The following FBN1 variants were observed in gnomAD, a reference collection of about 807,000 sequenced individuals.
The protein encoded by FBN1 is fibrillin 1, also known as fibrillin-1.
FBN1 carries 29 observed loss-of-function variants against 365.1 expected under a neutral mutation model. The observed-to-expected ratio is 0.08, with a 90% CI of 0.06 to 0.11. The LOEUF (loss-of-function observed/expected upper bound fraction) is 0.11, where lower values mean the gene tolerates loss of function less well. FBN1 is among the 10% of genes least tolerant of loss of function. FBN1 has a pLI of 1.00. For synonymous variants in FBN1, 1,210 were observed against 1,270.5 expected, an observed-to-expected ratio of 0.95 and a Z score of 1.01; for missense variants, 2,476 against 3,703.2, an observed-to-expected ratio of 0.67 and a Z score of 8.60.
intron 2 of FBN1, among the ~76,000 whole-genome samples, chr15:48,623,770 A>G (rs1889815377): frequency 6.6e-6 from 1 of 152,202 alleles, no homozygotes. Context: ...TCACAGCACA[A>G]GCAGCACAAA....
At chr15:48,580,044 A>T (rs556483623) in intron 6 of FBN1, among the ~76,000 whole-genome samples, 1 of 152,264 alleles carries the variant, frequency 6.6e-6, no homozygotes, top group South Asian at 2.1e-4. Context: ...TACTGAAGTT[A>T]AAAAAAGCTT....
rs1018681619 is a variant in FBN1 at position 48,579,309 on chromosome 15, T to C, written c.538+16974A>G. 6.6e-5 allele frequency among the ~76,000 whole-genome samples: 10 copies of C among 152,332 alleles called. No individual in the cohort carries two copies. In the East Asian group the frequency reaches 1.5e-3, roughly 23 times the overall value. On this transcript the variant is annotated intron_variant, in intron 6 of 65. Transcript: ENST00000316623. ...AAAAAATAAATTCTTAAAAATTCCA[T>C]ATCAGCTGAATTTAGGAACAATTCT...
intron 6 of FBN1, among the ~76,000 whole-genome samples, chr15:48,580,553 G>C (rs2044383769): frequency 6.6e-6 from 1 of 152,124 alleles, no homozygotes; most frequent in Non-Finnish European, 1.5e-5. Context: ...ACAGTCAAAA[G>C]ACCGGGTTGT....
At chr15:48,575,429 T>C (rs1663967039) in intron 6 of FBN1, among the ~76,000 whole-genome samples, 1 of 152,184 alleles carries the variant, frequency 6.6e-6, no homozygotes, top group Non-Finnish European at 1.5e-5. Flanking sequence ...CTCTGGCTTT[T>C]ACTGTACCCA....
intron 2 of FBN1, among the ~76,000 whole-genome samples, chr15:48,633,761 A>G (rs1031212614): frequency 1.2e-4 from 18 of 152,220 alleles, no homozygotes; most frequent in Admixed American, 6.5e-4. Context: ...GGTTATTTCA[A>G]GTATAGCAGA....
intron 43 of FBN1, among the ~76,000 whole-genome samples, 163 bp from the exon 44 acceptor site, chr15:48,456,925 A>G (rs2043245442): frequency 6.6e-6 from 1 of 151,870 alleles, no homozygotes; most frequent in Admixed American, 6.6e-5. Context: ...ACGAATAGCA[A>G]ATTGAGATAA....
chr15:48,599,778 G>A (rs2044547757), intron 5 of FBN1, among the ~76,000 whole-genome samples: 1 of 152,156 alleles, frequency 6.6e-6, no homozygotes, highest in Non-Finnish European at 1.5e-5. Context: ...CTTTATTTGA[G>A]ATGCTTCCTG....
At chr15:48,419,270 A>G (rs2042922918) in intron 63 of FBN1, among the ~76,000 whole-genome samples, 1 of 152,212 alleles carries the variant, frequency 6.6e-6, no homozygotes, top group Non-Finnish European at 1.5e-5. Flanking sequence ...CAGAATCTCC[A>G]GGACACTAGT....
At chr15:48,561,057 C>A (rs2044219002) in intron 6 of FBN1, among the ~76,000 whole-genome samples, 1 of 152,116 alleles carries the variant, frequency 6.6e-6, no homozygotes, top group South Asian at 2.1e-4. Context: ...AAAACAAAGT[C>A]TCAAGAGGGT....
rs374091069 is a variant in FBN1 at position 48,424,544 on chromosome 15, A to G, written c.7453+825T>C. Among the ~76,000 whole-genome samples, 27 of 151,758 alleles carry G rather than the reference A, an allele frequency of 1.8e-4. No homozygotes were observed. In the South Asian group the frequency reaches 5.6e-3, roughly 32 times the overall value. ...AGTGGAAGAACTTAAGCTTTATGAG[A>G]AAAAATAGGAAAAAGACTCCACTCT... On this transcript the variant is annotated intron_variant, in intron 60 of 65. Transcript: ENST00000316623.
chr15:48,463,254 A>G lies in FBN1; in HGVS notation c.5066-14T>C. On this transcript the variant is annotated splice_polypyrimidine_tract_variant and intron_variant, in intron 41 of 65. Coordinates refer to ENST00000316623, the MANE Select transcript of FBN1 (RefSeq NM_000138.5). ...TTCTTCTCATATCTAGAAGGGAGGT[A>G]AAAAAAAGGATTGGAGGGTTGGTGA... 1.3e-6 allele frequency: 2 copies of G among 1,599,220 alleles called. No individual in the cohort carries two copies. Among genetic ancestry groups the G allele is most frequent in the Non-Finnish European group, 1.7e-6 (2 of 1,172,020 alleles).
intron 53 of FBN1, among the ~76,000 whole-genome samples, chr15:48,435,769 T>TGTAC (rs2043065550): frequency 4.4e-5 from 1 of 22,664 alleles, no homozygotes; most frequent in African/African-American, 1.0e-4. Flanking sequence ...TATATATGTG[T>TGTAC]ATATGTGTGT....
intron 2 of FBN1, among the ~76,000 whole-genome samples, chr15:48,620,516 A>G (rs1372390461): frequency 6.6e-5 from 10 of 152,180 alleles, no homozygotes; most frequent in Non-Finnish European, 1.5e-4. Context: ...TAAACTGGGG[A>G]GCCAAAATTC....
At chr15:48,643,345 G>T (rs1890233327) in intron 2 of FBN1, 1 of 152,144 alleles carries the variant, frequency 6.6e-6, no homozygotes, top group African/African-American at 2.4e-5. Flanking sequence ...TTCCACGAAG[G>T]CCAAGATGGA....
intron 2 of FBN1, among the ~76,000 whole-genome samples, chr15:48,640,454 T>C (rs1890178528): frequency 6.6e-6 from 1 of 152,242 alleles, no homozygotes; most frequent in African/African-American, 2.4e-5. Context: ...GTCCCCTTTA[T>C]AAAGTAAAAT....
rs548237808 is a variant in FBN1 at position 48,469,292 on chromosome 15, G to C, written c.4460-758C>G. On this transcript the variant is annotated intron_variant, in intron 36 of 65. Transcript: ENST00000316623. ...TGTGGCTTGTTATTTCATCAAATTA[G>C]AGCAAGATGTCCCAGGAAACCCTCA... is the stretch of plus-strand genomic sequence containing the variant. Among the ~76,000 whole-genome samples the C allele has an allele frequency of 5.9e-5, 9 of 151,928 alleles. 1 individual carries two copies. The South Asian group carries it at 1.7e-3, about 28-fold the overall frequency.
intron 56 of FBN1, among the ~76,000 whole-genome samples, chr15:48,429,139 C>A (rs1343039068): frequency 6.6e-6 from 1 of 152,096 alleles, no homozygotes; most frequent in Non-Finnish European, 1.5e-5. Flanking sequence ...TAAATCTTTT[C>A]ATATTAGGAC....
rs57548469 is a variant in FBN1 at position 48,523,715 on chromosome 15, G to A, written c.988+2415C>T. Among the ~76,000 whole-genome samples, 19 of 133,480 alleles carry A rather than the reference G, an allele frequency of 1.4e-4. 1 individual carries two copies. The highest frequency in any genetic ancestry group is 4.5e-4 in the Admixed American group (6 of 13,190). 87.6% of individuals were successfully genotyped at this position (133,480 alleles called of 152,430 possible). On this transcript the variant is annotated intron_variant, in intron 9 of 65. Transcript: ENST00000316623. ...AGTGCCACACCAAGGGTGGCTGGGG[G>A]GGGGGGGGAACCGTTGTGGTGGTAT...
chr15:48,643,292 T>G (rs1215894915), intron 2 of FBN1: 1 of 152,238 alleles, frequency 6.6e-6, no homozygotes, highest in Admixed American at 6.5e-5. Context: ...TTTACCATGA[T>G]AAGCAAACTT....
Sources: gnomAD v4.1 joint callset for allele counts (sites outside exome capture counted in the v4.1 genomes callset) on GRCh38, gnomAD v4.1.1 for gene constraint, MANE v1.5 for transcripts, NCBI Gene and HGNC (gene_info 2026-07-23, HGNC 2026-07-21) for gene names.